Variants in PRRC2B observed in about 807,000 individuals in gnomAD.
PRRC2B encodes the protein proline rich coiled-coil 2B, also known as protein PRRC2B.
Under a neutral mutation model 242.3 loss-of-function variants are expected in PRRC2B, and 68 were observed. The ratio of observed to expected loss-of-function variants is 0.28; its 90% CI spans 0.23 to 0.34. The LOEUF (loss-of-function observed/expected upper bound fraction) is 0.34. Ranked by LOEUF, PRRC2B falls within the 10% of genes least tolerant of loss-of-function variation. PRRC2B has a pLI of 1.00. For synonymous variants in PRRC2B, 1,228 were observed against 1,173.6 expected (o/e 1.05, Z -0.95); for missense variants, 2,835 against 2,954.8 (o/e 0.96, Z 0.94).
chr9:131,416,274 A>G (rs1188126093), intron 1 of PRRC2B, among the ~76,000 whole-genome samples: 1 of 151,814 alleles, frequency 6.6e-6, no homozygotes, highest in Non-Finnish European at 1.5e-5. Context: ...ACGCCTGACT[A>G]ATTTTTGTAT....
Position 131,482,007 on chromosome 9 carries a change from G to T in PRRC2B, c.4983+199G>T, listed in dbSNP as rs1588278209. On this transcript the variant is annotated intron_variant, in intron 20 of 31. Transcript: ENST00000683519. The surrounding 1 kb of genome is among the most constrained non-coding windows in gnomAD (Gnocchi z 5.2). ...TGGCCTGTGCATGGGGCGTGCATGA[G>T]CAGGAGAAAGAGAAAAGGGGTAACA... 1.3e-5 allele frequency among the ~76,000 whole-genome samples: 2 copies of T among 152,242 alleles called. No individual in the cohort carries two copies. Among genetic ancestry groups the T allele is most frequent in the African/African-American group, 4.8e-5 (2 of 41,460 alleles).
chr9:131,419,512 G>A (rs756649341), intron 1 of PRRC2B, among the ~76,000 whole-genome samples: 8 of 152,198 alleles, frequency 5.3e-5, no homozygotes, highest in Non-Finnish European at 1.0e-4. Context: ...CTGCATAGGA[G>A]TCTGGAGAGA....
intron 1 of PRRC2B, among the ~76,000 whole-genome samples, chr9:131,408,422 A>G (rs1837424347): frequency 6.6e-6 from 1 of 152,232 alleles, no homozygotes; most frequent in Admixed American, 6.5e-5. Flanking sequence ...TAAATAAAAT[A>G]CGATGCCACT....
At chr9:131,422,828 A>C (rs963441724) in intron 1 of PRRC2B, among the ~76,000 whole-genome samples, 1 of 152,162 alleles carries the variant, frequency 6.6e-6, no homozygotes. Flanking sequence ...CAAAATATGC[A>C]ACCTGGATTC....
At chr9:131,400,892 T>C (rs1588237685) in intron 1 of PRRC2B, among the ~76,000 whole-genome samples, 1 of 152,080 alleles carries the variant, frequency 6.6e-6, no homozygotes, top group Non-Finnish European at 1.5e-5. Flanking sequence ...GAGATCCTGG[T>C]CTGGTGGGGA....
intron 1 of PRRC2B, among the ~76,000 whole-genome samples, chr9:131,403,573 G>A (rs1037444663): frequency 1.3e-5 from 2 of 149,612 alleles, no homozygotes; most frequent in Admixed American, 6.7e-5. Context: ...CAGGCTGGTC[G>A]CAAACTCCTG....
intron 1 of PRRC2B, among the ~76,000 whole-genome samples, chr9:131,419,720 C>T (rs1044610229): frequency 1.3e-5 from 2 of 152,016 alleles, no homozygotes; most frequent in Non-Finnish European, 2.9e-5. Context: ...CATCTTAATC[C>T]ACGAGGAAAT....
At chr9:131,481,600 C>A in intron 19 of PRRC2B, 126 bp from the exon 20 acceptor site, 2 of 729,422 alleles carry the variant, frequency 2.7e-6, no homozygotes, top group Non-Finnish European at 2.4e-6. Flanking sequence ...GCTGGGGTGG[C>A]GGGTGCAGGG....
intron 3 of PRRC2B, among the ~76,000 whole-genome samples, chr9:131,434,036 G>A (rs981306671): frequency 2.0e-5 from 3 of 152,172 alleles, no homozygotes; most frequent in African/African-American, 7.2e-5. Context: ...GGAACCTGGA[G>A]AATTGTTTGA....
chr9:131,444,047 A>G, intron 5 of PRRC2B, 138 bp from the exon 6 acceptor site: 1 of 941,760 alleles, frequency 1.1e-6, no homozygotes, highest in Non-Finnish European at 1.6e-6. Flanking sequence ...GGCATCTGCC[A>G]GCACAGAGCA....
At chr9:131,490,802 G>C (rs1944170272) in intron 28 of PRRC2B, 3 of 331,668 alleles carry the variant, frequency 9.0e-6, no homozygotes, top group African/African-American at 6.4e-5. Context: ...CTGTACAAAG[G>C]AATGCAGAGA....
intron 3 of PRRC2B, among the ~76,000 whole-genome samples, chr9:131,434,088 C>G (rs944963802): frequency 6.6e-6 from 1 of 152,062 alleles, no homozygotes; most frequent in Non-Finnish European, 1.5e-5. Flanking sequence ...AGGAATGATA[C>G]CTGGCTTTGC....
At position 131,476,518 on chromosome 9, in the gene PRRC2B, G is replaced by A. The variant is rs772581254; in HGVS notation, c.4389G>A (p.Thr1463=). The A allele has an allele frequency of 1.2e-5, 19 of 1,593,038 alleles. No individual in the cohort carries two copies. Among genetic ancestry groups the A allele is most frequent in the South Asian group, 2.2e-5 (2 of 89,132 alleles). ...GCTATGAGAGCCAACAGAATGGGAC[G>A]CCTTTGAAAGTGAAAAGGTAAAACC... ...SPRYESQQNG[T]PLKVKRSPDE... is the part of the protein sequence containing the mutation. Residue 1463 remains threonine, a synonymous_variant, in exon 16 of 32, where the codon ACG becomes ACA. Transcript: ENST00000683519.
At position 131,487,112 on chromosome 9, in the gene PRRC2B, A is replaced by C; in HGVS notation, c.5857-55A>C. The C allele has an allele frequency of 1.3e-6, 2 of 1,580,012 alleles. No individual in the cohort carries two copies. The highest frequency in any genetic ancestry group is 1.7e-6 in the Non-Finnish European group (2 of 1,154,746). ...GGGGCAGGGGAGGTGGGAGGGGAAG[A>C]ACCACCTGGATGGGCCTTGCGGTTA... On this transcript the variant is annotated intron_variant, in intron 26 of 31. Coordinates refer to ENST00000683519, the MANE Select transcript of PRRC2B (RefSeq NM_013318.4). This position sits in a 1 kb window ranked among gnomAD's most constrained non-coding sequence, Gnocchi z 5.3.
intron 1 of PRRC2B, among the ~76,000 whole-genome samples, chr9:131,398,703 G>A (rs996405024): frequency 4.6e-5 from 7 of 152,194 alleles, no homozygotes; most frequent in African/African-American, 1.7e-4. Flanking sequence ...TTGTGGTAGG[G>A]CAAGGTGGCT....
At chr9:131,389,380 C>G (rs138244375), upstream of PRRC2B, among the ~76,000 whole-genome samples, 407 of 150,048 alleles carry the variant, frequency 2.7e-3, 9 homozygotes, top group African/African-American at 9.5e-3. Flanking sequence ...TGGTCTCACA[C>G]TCCCAACCTC....
chr9:131,487,710 C>T lies in PRRC2B; in HGVS notation c.5985-146C>T. The T allele has an allele frequency of 9.5e-7, 1 of 1,055,240 alleles. No individual in the cohort carries two copies. Among genetic ancestry groups the T allele is most frequent in the Non-Finnish European group, 1.3e-6 (1 of 748,836 alleles). The allele number at this position is 1,055,240 out of a possible 1,614,324, so 65.4% of individuals were successfully genotyped here. On this transcript the variant is annotated intron_variant, in intron 27 of 31. Coordinates refer to ENST00000683519, the MANE Select transcript of PRRC2B (RefSeq NM_013318.4). This position sits in a 1 kb window ranked among gnomAD's most constrained non-coding sequence, Gnocchi z 5.3. ...GCCATCTAGGAGCTTGTTCTCAGGCCCCATCCTGGACCCTCTGAGTCGCGC... is the reference window on the plus strand; with the variant it reads ...GCCATCTAGGAGCTTGTTCTCAGGCTCCATCCTGGACCCTCTGAGTCGCGC...
chr9:131,464,978 A>G lies in PRRC2B; in HGVS notation c.1620A>G (p.Arg540=), dbSNP rs1397518240. ...TGGACCAGAAGTGTAAGCAGGCACG[A>G]AAGGCAGGTGAGGCCCGGAAGCAGG... is the stretch of plus-strand genomic sequence containing the variant. ...KQLDQKCKQA[R]KAGEARKQAE... is the part of the protein sequence containing the mutation. The change falls in exon 12 of 32, where the codon CGA becomes CGG. Residue 540 remains arginine (R), a synonymous_variant. Coordinates refer to ENST00000683519, the MANE Select transcript of PRRC2B (RefSeq NM_013318.4). 1 of 1,613,996 alleles carries G rather than the reference A, an allele frequency of 6.2e-7. No homozygotes were observed.
At chr9:131,481,652 G>T in intron 19 of PRRC2B, 74 bp from the exon 20 acceptor site, 2 of 1,217,040 alleles carry the variant, frequency 1.6e-6, no homozygotes, top group African/African-American at 1.5e-5. Context: ...GCCTGTGCTT[G>T]TTCTTTAAGA....
Sources: gnomAD v4.1 joint callset for allele counts (sites outside exome capture counted in the v4.1 genomes callset) on GRCh38, gnomAD v4.1.1 for gene constraint, Gnocchi (gnomAD v3.1) non-coding constraint, MANE v1.5 for transcripts, NCBI Gene and HGNC (gene_info 2026-07-23, HGNC 2026-07-21) for gene names.